Variants in PRIM1 observed in about 807,000 individuals in gnomAD.
The protein encoded by PRIM1 is DNA primase subunit 1.
A neutral mutation model predicts 60.2 loss-of-function variants in PRIM1; 38 were observed. The ratio of observed to expected loss-of-function variants is 0.63; its 90% CI spans 0.49 to 0.83. The LOEUF is 0.83. PRIM1 is among the 40% of genes least tolerant of loss of function. The pLI is 0.00. For synonymous variants in PRIM1, 158 were observed against 160.2 expected, an observed-to-expected ratio of 0.99 and a Z score of 0.10; for missense variants, 388 against 506.2, an observed-to-expected ratio of 0.77 and a Z score of 2.24.
Position 56,741,572 on chromosome 12 carries a change from T to C in PRIM1, c.845A>G (p.Asn282Ser), listed in dbSNP as rs762003258. ...GGGTCCATATTTGTCATTTTTGATG[T>C]TATTCTAAAAGCAGATACAAGGCCA... ...LKKVASRYQN[N>S]IKNDKYGPWL... is the part of the protein sequence containing the mutation. Residue 282 changes from asparagine (N) to serine (S), a missense_variant, in exon 9 of 13, where the codon AAC (asparagine) becomes AGC (serine). Coordinates refer to ENST00000338193, the MANE Select transcript of PRIM1 (RefSeq NM_000946.3). 15 of 1,609,818 alleles carry C rather than the reference T, an allele frequency of 9.3e-6. No individual in the cohort carries two copies. In the Middle Eastern group the frequency reaches 1.2e-3, roughly 124 times the overall value.
chr12:56,746,244 T>G, intron 4 of PRIM1, 63 bp from the exon 5 acceptor site: 3 of 1,522,266 alleles, frequency 2.0e-6, no homozygotes, highest in Non-Finnish European at 2.7e-6. Context: ...TAATGTATAT[T>G]AAATTACTTG....
rs1451519732 is a variant in PRIM1, at chr12:56,743,071, A to T, written c.664T>A (p.Tyr222Asn). 6.5e-7 allele frequency: 1 copy of T among 1,527,100 alleles called. No individual in the cohort carries two copies. The highest frequency in any genetic ancestry group is 8.8e-7 in the Non-Finnish European group (1 of 1,140,594). The allele number at this position is 1,527,100 out of a possible 1,614,324, so 94.6% of individuals were successfully genotyped here. A position where few individuals can be genotyped will look rare whatever the true frequency, so the allele number is the denominator to read the frequency against. ...TTAACCAAGGCATATTCTTCAAAGT[A>T]TTTTTTTATTATGTTTATAGATTTT... ...IRKSINIIKK[Y>N]FEEYALVNQD... is the part of the protein sequence containing the mutation. The change falls in exon 7 of 13, where the codon TAC becomes AAC. Residue 222 changes from tyrosine to asparagine, a missense_variant. Physicochemically the swap from Tyr to Asn is moderately radical, Grantham distance 143. Transcript: ENST00000338193.
chr12:56,748,494 G>A (rs986989594), intron 2 of PRIM1, among the ~76,000 whole-genome samples: 1 of 151,960 alleles, frequency 6.6e-6, no homozygotes, highest in African/African-American at 2.4e-5. Flanking sequence ...AGGCGTGGTG[G>A]CACACACCTG....
In PRIM1 at chr12:56,741,667, T is replaced by G. The variant is rs1481166770; in HGVS notation, c.840+79A>C. ...TTAAAAAAACGATCTTCAACCATCT[T>G]TAACTGACTAGGCAAAGCAATCAAT... On this transcript the variant is annotated intron_variant, in intron 8 of 12. Coordinates refer to ENST00000338193, the MANE Select transcript of PRIM1 (RefSeq NM_000946.3). 140 of 1,583,862 alleles carry G rather than the reference T, an allele frequency of 8.8e-5. 1 individual carries two copies. Among genetic ancestry groups the G allele is most frequent in the Non-Finnish European group, 4.3e-6 (5 of 1,161,526 alleles).
At chr12:56,744,277 G>T (rs1953891761) in intron 5 of PRIM1, among the ~76,000 whole-genome samples, 154 bp from the exon 6 acceptor site, 1 of 152,072 alleles carries the variant, frequency 6.6e-6, no homozygotes, top group African/African-American at 2.4e-5. Flanking sequence ...GGCTGAGGTG[G>T]GTGGATCACC....
chr12:56,740,856 C>T (rs1953867825), intron 9 of PRIM1, among the ~76,000 whole-genome samples: 1 of 151,870 alleles, frequency 6.6e-6, no homozygotes, highest in African/African-American at 2.4e-5. Context: ...CTCTGTTGCC[C>T]AGGCTGGAGT....
In PRIM1 at chr12:56,751,060, A is replaced by T; in HGVS notation, c.239T>A (p.Ile80Lys). The T allele has an allele frequency of 5.1e-6, 8 of 1,580,602 alleles. No homozygotes were observed. The highest frequency in any genetic ancestry group is 6.9e-6 in the Non-Finnish European group (8 of 1,164,488). The change falls in exon 2 of 13, where the codon ATA (isoleucine) becomes AAA (lysine). Residue 80 changes from isoleucine to lysine, a missense_variant. By Grantham distance (102) the Ile-to-Lys change is moderately radical. Transcript: ENST00000338193. ...TACTCTGTGAGAATATACTGCGCCT[A>T]TATCAATCTTGTATGGATTCATTTT... ...MQKMNPYKID[I>K]GAVYSHRPNQ...
chr12:56,734,410 T>C (rs1351144790), intron 11 of PRIM1, among the ~76,000 whole-genome samples, 165 bp from the exon 12 acceptor site: 1 of 152,050 alleles, frequency 6.6e-6, no homozygotes, highest in African/African-American at 2.4e-5. Flanking sequence ...AAAGGTGAAA[T>C]TATTACTGAG....
At chr12:56,752,097 G>A (rs1953973410) in intron 1 of PRIM1, 99 bp downstream of exon 1, 1 of 783,260 alleles carries the variant, frequency 1.3e-6, no homozygotes, top group South Asian at 1.8e-5. Flanking sequence ...GCGGCACAAA[G>A]CCTGGTGCAC....
At chr12:56,746,668 AC>A in intron 4 of PRIM1, 112 bp downstream of exon 4, 4 of 786,710 alleles carry the variant, frequency 5.1e-6, no homozygotes, top group Admixed American at 2.3e-5. Flanking sequence ...ACACACACAC[AC>A]ACACACAAAT....
At chr12:56,742,930 A>G in intron 7 of PRIM1, 57 bp downstream of exon 7, 2 of 1,266,372 alleles carry the variant, frequency 1.6e-6, no homozygotes, top group African/African-American at 1.6e-5. Flanking sequence ...TCTAACATTT[A>G]TAATATCACA....
At chr12:56,750,583 T>C (rs1026501092) in intron 2 of PRIM1, among the ~76,000 whole-genome samples, 8 of 151,944 alleles carry the variant, frequency 5.3e-5, no homozygotes, top group Admixed American at 5.2e-4. Context: ...AATTCTCTTT[T>C]ATTTCCCTCT....
At chr12:56,746,685 A>G (rs1953910413) in intron 4 of PRIM1, 96 bp downstream of exon 4, 1 of 1,016,212 alleles carries the variant, frequency 9.8e-7, no homozygotes, top group African/African-American at 1.6e-5. Context: ...CAAATTAATG[A>G]GATTTGATCA....
At position 56,741,978 on chromosome 12, in the gene PRIM1, C is replaced by T. The variant is rs527309658; in HGVS notation, c.749-141G>A. 77 of 855,448 alleles carry T rather than the reference C, an allele frequency of 9.0e-5. 1 individual carries two copies. Among genetic ancestry groups the T allele is most frequent in the East Asian group, 7.5e-4 (30 of 39,746 alleles). The allele number at this position is 855,448 out of a possible 1,614,324, so 53.0% of individuals were successfully genotyped here. ...TCTTGAAATATAAATGTTGACTGGG[C>T]GTGGTGGCTCATGCCTGTACTCCCA... is the stretch of plus-strand genomic sequence containing the variant. On this transcript the variant is annotated intron_variant, in intron 7 of 12. Transcript: ENST00000338193.
intron 12 of PRIM1, among the ~76,000 whole-genome samples, chr12:56,732,341 C>T (rs1222398774): frequency 2.6e-5 from 4 of 152,162 alleles, no homozygotes; most frequent in Non-Finnish European, 5.9e-5. Context: ...ATAACATTTT[C>T]CCTTCCATCT....
chr12:56,741,121 AT>A (rs894273028), intron 9 of PRIM1, among the ~76,000 whole-genome samples: 9 of 149,804 alleles, frequency 6.0e-5, no homozygotes, highest in African/African-American at 9.8e-5. Context: ...GTCACACACA[AT>A]TTTTTTTTTA....
At chr12:56,745,787 A>C (rs1010197051) in intron 5 of PRIM1, among the ~76,000 whole-genome samples, 4 of 151,968 alleles carry the variant, frequency 2.6e-5, no homozygotes, top group African/African-American at 9.7e-5. Context: ...AAAAATACAA[A>C]ATTTAGCTGG....
At position 56,751,167 on chromosome 12, in the gene PRIM1, T is replaced by G. The variant is rs980319021; in HGVS notation, c.132A>C (p.Glu44Asp). The change falls in exon 2 of 13, where the codon GAA (glutamate) becomes GAC (aspartate). Residue 44 changes from glutamate (E) to aspartate (D), a missense_variant. Coordinates refer to ENST00000338193, the MANE Select transcript of PRIM1 (RefSeq NM_000946.3). ...GVIKNYFQHR[E>D]FSFTLKDDIY... ...TATCATCTTTCAATGTGAATGAAAA[T>G]TCACGGTGTTGAAAGTAATTCTTTA... 1.3e-6 allele frequency: 2 copies of G among 1,555,986 alleles called. No individual in the cohort carries two copies. The highest frequency in any genetic ancestry group is 2.7e-5 in the African/African-American group (2 of 73,444).
At chr12:56,740,823 CTTTTTTTT>C (rs1953867550) in intron 9 of PRIM1, among the ~76,000 whole-genome samples, 1 of 150,892 alleles carries the variant, frequency 6.6e-6, no homozygotes, top group Admixed American at 6.6e-5. Context: ...TTCTTTTTTT[CTTTTTTTT>C]GAGACAGGGT....
Sources: gnomAD v4.1 joint callset for allele counts (sites outside exome capture counted in the v4.1 genomes callset) on GRCh38, gnomAD v4.1.1 for gene constraint, MANE v1.5 for transcripts, NCBI Gene and HGNC (gene_info 2026-07-23, HGNC 2026-07-21) for gene names.